STX12: variants seen among roughly 807,000 people sequenced by gnomAD.
The protein encoded by STX12 is syntaxin 12.
A neutral mutation model predicts 42.2 loss-of-function variants in STX12; 17 were observed. The observed-to-expected ratio is 0.40, with a 90% CI of 0.28 to 0.60. The LOEUF is 0.60. STX12 is among the 20% of genes least tolerant of loss of function. STX12 has a pLI of 0.39. For missense variants in STX12, 297 were observed against 330.9 expected, an observed-to-expected ratio of 0.90 and a Z score of 0.79; for synonymous variants, 108 against 116.7, an observed-to-expected ratio of 0.93 and a Z score of 0.48.
chr1:27,798,780 CA>C (rs61253983), intron 3 of STX12, among the ~76,000 whole-genome samples: 4,361 of 54,530 alleles, frequency 0.08, 96 homozygotes, highest in East Asian at 0.3. Flanking sequence ...GACTCCGTCT[CA>C]AAAAAAAAAA....
At chr1:27,793,677 TTAG>T (rs2088764945) in intron 3 of STX12, 45 bp downstream of exon 3, 4 of 1,537,332 alleles carry the variant, frequency 2.6e-6, no homozygotes, top group Non-Finnish European at 2.7e-6. Flanking sequence ...GGACTTTGTG[TTAG>T]TAGAAAGGCA....
chr1:27,806,910 G>A (rs937158606), intron 4 of STX12, among the ~76,000 whole-genome samples: 3 of 152,086 alleles, frequency 2.0e-5, no homozygotes, highest in Non-Finnish European at 4.4e-5. Flanking sequence ...GATCTCATGA[G>A]AACTCCCTCA....
chr1:27,779,283 C>G (rs1032677504), intron 1 of STX12, among the ~76,000 whole-genome samples: 4 of 151,670 alleles, frequency 2.6e-5, no homozygotes, highest in African/African-American at 9.7e-5. Flanking sequence ...CCTCAAGAGC[C>G]TAAAGTGGCT....
chr1:27,784,737 C>T (rs925481316), intron 1 of STX12, among the ~76,000 whole-genome samples: 8 of 152,112 alleles, frequency 5.3e-5, no homozygotes, highest in South Asian at 2.1e-4. Flanking sequence ...CAGTAAACTA[C>T]GACACTGTTG....
At chr1:27,806,952 C>A (rs2088866159) in intron 4 of STX12, among the ~76,000 whole-genome samples, 1 of 152,162 alleles carries the variant, frequency 6.6e-6, no homozygotes, top group Non-Finnish European at 1.5e-5. Context: ...CCCCATGATC[C>A]AATCACTTCC....
intron 3 of STX12, among the ~76,000 whole-genome samples, chr1:27,798,519 C>A (rs543896542): frequency 5.1e-4 from 78 of 151,754 alleles, no homozygotes; most frequent in African/African-American, 1.7e-3. Flanking sequence ...ATGGTGGCCA[C>A]CTATAATCCC....
rs1277620264 is a variant in STX12 at position 27,773,451 on chromosome 1, G to A, written c.118+26G>A. 3.1e-6 allele frequency: 5 copies of A among 1,606,656 alleles called. No individual in the cohort carries two copies. In the Admixed American group the frequency reaches 6.7e-5, roughly 21 times the overall value. On this transcript the variant is annotated intron_variant, in intron 1 of 8. Coordinates refer to ENST00000373943, the MANE Select transcript of STX12 (RefSeq NM_177424.3). ...GTGAGCCGGGGTACCGAGCTGGGGG[G>A]CGGGAGCTGTCCCGGGGACAGGCCT... is the stretch of plus-strand genomic sequence containing the variant.
chr1:27,805,537 T>A (rs574130070), intron 4 of STX12, among the ~76,000 whole-genome samples: 1 of 152,244 alleles, frequency 6.6e-6, no homozygotes, highest in African/African-American at 2.4e-5. Context: ...GTAAATGATT[T>A]ATATAACACC....
intron 4 of STX12, 160 bp from the exon 5 acceptor site, chr1:27,810,086 C>A (rs928922513): frequency 6.2e-5 from 38 of 615,728 alleles, no homozygotes; most frequent in African/African-American, 1.9e-5. Flanking sequence ...TTTACACCCA[C>A]TTCTTAGTTG....
chr1:27,821,091 A>G (rs2088980405), intron 8 of STX12, among the ~76,000 whole-genome samples: 1 of 151,134 alleles, frequency 6.6e-6, no homozygotes, highest in Non-Finnish European at 1.5e-5. Context: ...TGGGTGCAGC[A>G]CACCAGCATG....
chr1:27,799,474 CTTGTTTTTTTTT>C (rs747507011), intron 3 of STX12, among the ~76,000 whole-genome samples: 106 of 128,674 alleles, frequency 8.2e-4, no homozygotes, highest in Non-Finnish European at 1.1e-3. Flanking sequence ...AACTCATTAG[CTTGTTTTTTTTT>C]TTGTTTTTTT....
At chr1:27,808,948 G>A (rs915225276) in intron 4 of STX12, among the ~76,000 whole-genome samples, 2 of 152,176 alleles carry the variant, frequency 1.3e-5, no homozygotes, top group Admixed American at 6.5e-5. Flanking sequence ...CAGAGTTATT[G>A]TAAGAATTAA....
At chr1:27,813,268 T>G (rs2088917231) in intron 6 of STX12, among the ~76,000 whole-genome samples, 1 of 152,010 alleles carries the variant, frequency 6.6e-6, no homozygotes, top group African/African-American at 2.4e-5. Context: ...CTCCCTCTCC[T>G]GGGTTCAAGT....
chr1:27,810,389 T>G, intron 5 of STX12, 100 bp downstream of exon 5: 1 of 1,115,004 alleles, frequency 9.0e-7, no homozygotes, highest in Admixed American at 2.0e-5. Context: ...AGGGCAAAAA[T>G]AAGGGGGCAC....
chr1:27,809,460 C>CTTTTTT (rs561726749), intron 4 of STX12, among the ~76,000 whole-genome samples: 1 of 130,012 alleles, frequency 7.7e-6, no homozygotes, highest in African/African-American at 3.1e-5. Context: ...CTCATATACT[C>CTTTTTT]TTTTTTTTTT....
chr1:27,785,828 A>G (rs1253433354), intron 1 of STX12, among the ~76,000 whole-genome samples: 3 of 152,102 alleles, frequency 2.0e-5, no homozygotes, highest in Non-Finnish European at 4.4e-5. Context: ...ACTCTGCTGA[A>G]CTCTAGTGAG....
chr1:27,780,806 G>A (rs1219544264), intron 1 of STX12, among the ~76,000 whole-genome samples: 3 of 151,822 alleles, frequency 2.0e-5, no homozygotes, highest in Non-Finnish European at 4.4e-5. Flanking sequence ...ACAAAAATTA[G>A]CTGGGTGTGG....
chr1:27,819,613 G>GC, intron 7 of STX12, 37 bp from the exon 8 acceptor site: 1 of 1,576,048 alleles, frequency 6.3e-7, no homozygotes, highest in Non-Finnish European at 8.7e-7. Context: ...TAAAACATCT[G>GC]AGTGTGTTAA....
chr1:27,814,366 C>G (rs1033236771), intron 6 of STX12, among the ~76,000 whole-genome samples: 8 of 151,364 alleles, frequency 5.3e-5, no homozygotes, highest in Non-Finnish European at 1.0e-4. Flanking sequence ...CTTACCTCTA[C>G]AAAAAATAAA....
Sources: allele counts gnomAD v4.1 joint callset (sites outside exome capture counted in the v4.1 genomes callset), GRCh38; gene constraint gnomAD v4.1.1; transcripts MANE v1.5; gene names NCBI Gene and HGNC (gene_info 2026-07-23, HGNC 2026-07-21).